Variants in NKAIN2 observed in about 807,000 individuals in gnomAD.
NKAIN2 encodes the protein sodium/potassium transporting ATPase interacting 2, also known as sodium/potassium-transporting ATPase subunit beta-1-interacting protein 2.
NKAIN2 carries 14 observed loss-of-function variants against 32.6 expected under a neutral mutation model. The observed-to-expected ratio is 0.43, with a 90% CI of 0.28 to 0.67. The LOEUF (loss-of-function observed/expected upper bound fraction) is 0.67. Ranked by LOEUF, NKAIN2 falls within the 30% of genes least tolerant of loss-of-function variation. The probability of loss-of-function intolerance (pLI) is 0.17; values close to 1 mark genes in which losing one functional copy is unlikely to be tolerated. For synonymous variants in NKAIN2, 80 were observed against 87.2 expected (o/e 0.92, Z 0.46); for missense variants, 198 against 258.3 (o/e 0.77, Z 1.60).
At chr6:123,919,433 A>T (rs1284802487) in intron 1 of NKAIN2, among the ~76,000 whole-genome samples, 1 of 152,146 alleles carries the variant, frequency 6.6e-6, no homozygotes, top group African/African-American at 2.4e-5. Flanking sequence ...TATTTTCTAA[A>T]TATAGAACAG....
intron 1 of NKAIN2, among the ~76,000 whole-genome samples, chr6:124,147,500 T>G (rs991602569): frequency 6.6e-6 from 1 of 151,942 alleles, no homozygotes; most frequent in African/African-American, 2.4e-5. Context: ...AAGACTAAAA[T>G]AAATGCTCAG....
chr6:123,994,397 A>G (rs1779532737), intron 1 of NKAIN2, among the ~76,000 whole-genome samples: 1 of 152,108 alleles, frequency 6.6e-6, no homozygotes, highest in African/African-American at 2.4e-5. Context: ...CTTGGAGAGG[A>G]CACATTTCTG....
intron 1 of NKAIN2, among the ~76,000 whole-genome samples, chr6:124,111,275 G>A (rs148866990): frequency 5.9e-4 from 89 of 152,034 alleles, no homozygotes; most frequent in African/African-American, 2.0e-3. Flanking sequence ...CTGTCTGGAT[G>A]TTGTGTCCAT....
chr6:124,492,175 A>T (rs1004050529), intron 3 of NKAIN2, among the ~76,000 whole-genome samples: 2 of 151,822 alleles, frequency 1.3e-5, no homozygotes, highest in African/African-American at 4.8e-5. Context: ...TAACCTTTCT[A>T]AAAAATGATA....
intron 3 of NKAIN2, among the ~76,000 whole-genome samples, chr6:124,540,769 A>T (rs1323562614): frequency 2.0e-5 from 3 of 152,212 alleles, no homozygotes; most frequent in South Asian, 2.1e-4. Flanking sequence ...TTTCACTTTC[A>T]TTATAATATT....
chr6:124,804,030 A>G (rs1780399830), intron 5 of NKAIN2, among the ~76,000 whole-genome samples: 1 of 152,206 alleles, frequency 6.6e-6, no homozygotes, highest in African/African-American at 2.4e-5. Flanking sequence ...ATTAAGGCTC[A>G]GAGCAATTGT....
intron 2 of NKAIN2, among the ~76,000 whole-genome samples, chr6:124,308,715 G>A (rs925543155): frequency 6.6e-6 from 1 of 152,034 alleles, no homozygotes; most frequent in African/African-American, 2.4e-5. Flanking sequence ...GTGCTAGTTG[G>A]TACCTATTTC....
At chr6:124,633,007 T>G (rs1378649670) in intron 3 of NKAIN2, among the ~76,000 whole-genome samples, 2 of 152,140 alleles carry the variant, frequency 1.3e-5, no homozygotes, top group African/African-American at 4.8e-5. Flanking sequence ...TAAAGAGCAT[T>G]AAATTTTTTT....
chr6:124,619,371 G>GAGAT (rs1165899319), intron 3 of NKAIN2, among the ~76,000 whole-genome samples: 1 of 152,056 alleles, frequency 6.6e-6, no homozygotes, highest in Non-Finnish European at 1.5e-5. Flanking sequence ...CTAATTCTGA[G>GAGAT]AGATATCACA....
In NKAIN2 at chr6:123,805,231, T is replaced by G. The variant is rs1773166295; in HGVS notation, c.54+977T>G. On this transcript the variant is annotated intron_variant, in intron 1 of 6. Coordinates refer to ENST00000368417, the MANE Select transcript of NKAIN2 (RefSeq NM_001040214.3). ...AAGTATAAATTAACTGGAATAGTCA[T>G]GTCCGTTTTCAACAACTGTTTCATA... 2.0e-5 allele frequency among the ~76,000 whole-genome samples: 3 copies of G among 152,226 alleles called. No individual in the cohort carries two copies. In the South Asian group the frequency reaches 6.2e-4, roughly 31 times the overall value.
chr6:124,603,586 G>A (rs1357169091), intron 3 of NKAIN2, among the ~76,000 whole-genome samples: 1 of 151,866 alleles, frequency 6.6e-6, no homozygotes, highest in Non-Finnish European at 1.5e-5. Context: ...TAGAACATTT[G>A]ATTAACTAAG....
chr6:124,061,616 C>G (rs1172017965), intron 1 of NKAIN2, among the ~76,000 whole-genome samples: 1 of 151,944 alleles, frequency 6.6e-6, no homozygotes, highest in East Asian at 1.9e-4. Context: ...CCCTTTTGAT[C>G]CTGTCATGTT....
chr6:124,113,532 G>A (rs775480741), intron 1 of NKAIN2, among the ~76,000 whole-genome samples: 28 of 152,074 alleles, frequency 1.8e-4, no homozygotes, highest in Non-Finnish European at 3.2e-4. Context: ...GATGTTGCCT[G>A]CATTCTTCCT....
intron 2 of NKAIN2, among the ~76,000 whole-genome samples, chr6:124,302,207 TC>T (rs1796318459): frequency 6.6e-6 from 1 of 152,226 alleles, no homozygotes; most frequent in South Asian, 2.1e-4. Flanking sequence ...TGCTCCTCCT[TC>T]ACCTTCTGAC....
chr6:124,416,531 T>C (rs1034568416), intron 3 of NKAIN2, among the ~76,000 whole-genome samples: 5 of 152,098 alleles, frequency 3.3e-5, no homozygotes, highest in South Asian at 2.1e-4. Flanking sequence ...CCCGGCTGCT[T>C]GGTAGGCTGT....
At chr6:124,692,053 A>G (rs920677658) in intron 4 of NKAIN2, among the ~76,000 whole-genome samples, 1 of 152,168 alleles carries the variant, frequency 6.6e-6, no homozygotes, top group African/African-American at 2.4e-5. Flanking sequence ...ATATTTGGCT[A>G]TCTTTCTATT....
intron 3 of NKAIN2, among the ~76,000 whole-genome samples, chr6:124,467,010 T>C (rs1487866563): frequency 6.6e-6 from 1 of 152,116 alleles, no homozygotes; most frequent in Non-Finnish European, 1.5e-5. Flanking sequence ...ATGAGAAGAC[T>C]TGTTGAAGTA....
intron 3 of NKAIN2, chr6:124,490,248 TC>T (rs1418887451): frequency 6.4e-6 from 2 of 312,112 alleles, no homozygotes; most frequent in African/African-American, 4.4e-5. Flanking sequence ...CTAAGCCAAT[TC>T]CCTGTAGGGT....
chr6:124,491,768 A>T (rs1777872355), intron 3 of NKAIN2, among the ~76,000 whole-genome samples: 1 of 151,968 alleles, frequency 6.6e-6, no homozygotes. Context: ...ATTCCAAAAC[A>T]TGCAGGTAGT....
Sources: gnomAD v4.1 joint callset for allele counts (sites outside exome capture counted in the v4.1 genomes callset) on GRCh38, gnomAD v4.1.1 for gene constraint, MANE v1.5 for transcripts, NCBI Gene and HGNC (gene_info 2026-07-23, HGNC 2026-07-21) for gene names.